The following DOCK10 variants were observed in gnomAD, a reference collection of about 807,000 sequenced individuals.
DOCK10 encodes the protein dedicator of cytokinesis 10, also known as dedicator of cytokinesis protein 10.
DOCK10 carries 145 observed loss-of-function variants against 280.1 expected under a neutral mutation model. The observed-to-expected ratio is 0.52, with a 90% confidence interval of 0.45 to 0.59. DOCK10 has a LOEUF of 0.59. Among genes scored for constraint, DOCK10 ranks in the 20% least tolerant of loss-of-function variants. The probability of loss-of-function intolerance (pLI) is 0.00; values close to 1 mark genes in which losing one functional copy is unlikely to be tolerated. For missense variants in DOCK10, 2,368 were observed against 2,651.7 expected, an observed-to-expected ratio of 0.89 and a Z score of 2.35; for synonymous variants, 915 against 942.2, an observed-to-expected ratio of 0.97 and a Z score of 0.53.
intron 1 of DOCK10, among the ~76,000 whole-genome samples, chr2:224,977,815 AC>A (rs1192572069): frequency 6.6e-6 from 1 of 152,196 alleles, no homozygotes; most frequent in Non-Finnish European, 1.5e-5. Context: ...TATAGGCTAG[AC>A]TACAATTATG....
chr2:224,879,128 A>G (rs1049029586), intron 7 of DOCK10, among the ~76,000 whole-genome samples: 40 of 152,250 alleles, frequency 2.6e-4, no homozygotes, highest in African/African-American at 9.2e-4. Flanking sequence ...GCATTTTGAA[A>G]AAATCATTTT....
intron 31 of DOCK10, among the ~76,000 whole-genome samples, chr2:224,808,311 C>T (rs1220021829): frequency 6.6e-6 from 1 of 152,164 alleles, no homozygotes; most frequent in Non-Finnish European, 1.5e-5. Context: ...TAACACACAA[C>T]ATCAACTTTT....
Position 224,873,995 on chromosome 2 carries a change from C to T in DOCK10, c.1257+1G>A, listed in dbSNP as rs1366491912. On this transcript the variant is annotated splice_donor_variant, in intron 11 of 55. Coordinates refer to ENST00000258390, the MANE Select transcript of DOCK10 (RefSeq NM_014689.3). LOFTEE classifies it high-confidence loss of function. The stretch of plus-strand genomic sequence containing the variant: ...TAGGATGTAACAGAGGAGAAACTTA[C>T]ATTCGTTATCGGATCATTTTCATTC... The T allele has an allele frequency of 6.2e-6, 10 of 1,608,990 alleles. No individual in the cohort carries two copies. The highest frequency in any genetic ancestry group is 1.7e-5 in the Admixed American group (1 of 58,930).
intron 50 of DOCK10, among the ~76,000 whole-genome samples, chr2:224,785,119 A>G (rs1691643956): frequency 6.6e-6 from 1 of 151,922 alleles, no homozygotes; most frequent in African/African-American, 2.4e-5. Flanking sequence ...CTGTCTCACC[A>G]ATGTCACAAA....
At chr2:224,950,283 A>G (rs913495617) in intron 1 of DOCK10, among the ~76,000 whole-genome samples, 2 of 152,226 alleles carry the variant, frequency 1.3e-5, no homozygotes, top group Admixed American at 1.3e-4. Context: ...GCAATTAAAT[A>G]AAAAATGAGA....
rs549227781 is a variant in DOCK10 at position 224,866,385 on chromosome 2, A to G, written c.1258-1298T>C. ...GACTGATGCTTGATTTTCATACTTC[A>G]TTGTGTCTAGAGCACACAGTGTCAA... On this transcript the variant is annotated intron_variant, in intron 11 of 55. Coordinates refer to ENST00000258390, the MANE Select transcript of DOCK10 (RefSeq NM_014689.3). Among the ~76,000 whole-genome samples the G allele has an allele frequency of 1.3e-4, 20 of 152,234 alleles. No homozygotes were observed. In the South Asian group the frequency reaches 3.5e-3, roughly 27 times the overall value.
intron 47 of DOCK10, among the ~76,000 whole-genome samples, chr2:224,791,350 T>G (rs572445693): frequency 1.1e-3 from 173 of 152,224 alleles, no homozygotes; most frequent in African/African-American, 4.0e-3. Context: ...ATTCCTGAAT[T>G]TTTGGGTGGA....
chr2:225,011,166 C>T (rs1689423626), intron 1 of DOCK10, among the ~76,000 whole-genome samples: 1 of 152,006 alleles, frequency 6.6e-6, no homozygotes, highest in Non-Finnish European at 1.5e-5. Flanking sequence ...ATGATCAGTT[C>T]AAAGAAGATT....
At chr2:225,000,217 C>T (rs909702203) in intron 1 of DOCK10, among the ~76,000 whole-genome samples, 1 of 102,044 alleles carries the variant, frequency 9.8e-6, no homozygotes, top group African/African-American at 2.6e-5. Context: ...CACACACACA[C>T]ACACACAGAC....
chr2:224,996,645 A>C (rs1706280467), intron 1 of DOCK10, among the ~76,000 whole-genome samples: 1 of 152,194 alleles, frequency 6.6e-6, no homozygotes. Context: ...CAAATAAGAA[A>C]ATCCATGTGA....
intron 28 of DOCK10, 43 bp from the exon 29 acceptor site, chr2:224,819,572 G>T: frequency 1.6e-6 from 2 of 1,235,928 alleles, no homozygotes; most frequent in Non-Finnish European, 2.3e-6. Context: ...TTTACTTGAA[G>T]AATCATTAAA....
chr2:225,023,541 C>T (rs1315860743), intron 1 of DOCK10, among the ~76,000 whole-genome samples: 2 of 151,992 alleles, frequency 1.3e-5, no homozygotes, highest in Non-Finnish European at 2.9e-5. Context: ...TGGCAAAAAT[C>T]AAAAAGTCTG....
At chr2:224,892,855 T>C (rs532542915) in intron 4 of DOCK10, among the ~76,000 whole-genome samples, 31 of 152,374 alleles carry the variant, frequency 2.0e-4, no homozygotes, top group African/African-American at 7.2e-4. Context: ...CTCCTGCCTT[T>C]AAAGAGCAAT....
At chr2:225,012,437 A>G (rs1292144418) in intron 1 of DOCK10, among the ~76,000 whole-genome samples, 1 of 152,240 alleles carries the variant, frequency 6.6e-6, no homozygotes, top group Non-Finnish European at 1.5e-5. Context: ...TTTCAGTAAT[A>G]ATTTTGTACT....
At chr2:224,940,981 ATG>A (rs779769878) in intron 1 of DOCK10, among the ~76,000 whole-genome samples, 78 of 152,186 alleles carry the variant, frequency 5.1e-4, no homozygotes, top group Non-Finnish European at 7.6e-4. Flanking sequence ...ACTAATTCAT[ATG>A]TGTTTTCTTG....
At chr2:224,817,630 T>C (rs1232204650) in intron 29 of DOCK10, among the ~76,000 whole-genome samples, 1 of 152,236 alleles carries the variant, frequency 6.6e-6, no homozygotes, top group Non-Finnish European at 1.5e-5. Flanking sequence ...TTCTGTTTGG[T>C]CTTTGAAAAT....
intron 1 of DOCK10, chr2:224,982,555 C>T (rs1705804922): frequency 1.7e-6 from 2 of 1,210,622 alleles, no homozygotes; most frequent in Non-Finnish European, 2.1e-6. Flanking sequence ...AGATTTGATC[C>T]ACGGAAACTG....
intron 19 of DOCK10, among the ~76,000 whole-genome samples, chr2:224,847,034 T>C (rs910253443): frequency 1.3e-5 from 2 of 152,228 alleles, no homozygotes; most frequent in East Asian, 1.9e-4. Flanking sequence ...ATATCTGTGT[T>C]ACTGTGAGAA....
chr2:224,933,717 T>C (rs1017171138), intron 1 of DOCK10, among the ~76,000 whole-genome samples: 3 of 152,244 alleles, frequency 2.0e-5, no homozygotes, highest in Non-Finnish European at 4.4e-5. Context: ...TAGTCCATGA[T>C]GTGGCTAATA....
Sources: allele counts gnomAD v4.1 joint callset (sites outside exome capture counted in the v4.1 genomes callset), GRCh38; gene constraint gnomAD v4.1.1; transcripts MANE v1.5; gene names NCBI Gene and HGNC (gene_info 2026-07-23, HGNC 2026-07-21).